Variants in SH3RF3 observed in about 807,000 individuals in gnomAD.
The protein encoded by SH3RF3 is SH3 domain containing ring finger 3.
SH3RF3 carries 29 observed loss-of-function variants against 66.3 expected under a neutral mutation model. The observed-to-expected ratio is 0.44, with a 90% CI of 0.33 to 0.60. The LOEUF is 0.60. Ranked by LOEUF, SH3RF3 falls within the 20% of genes least tolerant of loss-of-function variation. The pLI is 0.04. For missense variants in SH3RF3, 1,194 were observed against 1,190.9 expected (o/e 1.00, Z -0.04); for synonymous variants, 583 against 532.0 (o/e 1.10, Z -1.32).
chr2:109,131,660 G>C (rs1210105968), intron 1 of SH3RF3, among the ~76,000 whole-genome samples: 2 of 152,164 alleles, frequency 1.3e-5, no homozygotes, highest in Non-Finnish European at 2.9e-5. Context: ...GCCACTCCGG[G>C]AATTCTGTGG....
intron 1 of SH3RF3, among the ~76,000 whole-genome samples, chr2:109,161,905 T>A (rs1677499297): frequency 6.6e-6 from 1 of 151,636 alleles, no homozygotes; most frequent in African/African-American, 2.4e-5. Flanking sequence ...AACTATAGCC[T>A]ATCACCTATC....
At chr2:109,201,785 A>G (rs1276750356) in intron 1 of SH3RF3, among the ~76,000 whole-genome samples, 1 of 152,166 alleles carries the variant, frequency 6.6e-6, no homozygotes, top group Non-Finnish European at 1.5e-5. Flanking sequence ...AGCTTTGGGA[A>G]GTGGGTATAA....
intron 8 of SH3RF3, among the ~76,000 whole-genome samples, chr2:109,484,289 A>G (rs1678912725): frequency 6.6e-6 from 1 of 151,376 alleles, no homozygotes; most frequent in East Asian, 1.9e-4. Context: ...CTGGTCTCGA[A>G]CTCCTGACCT....
At chr2:109,462,729 C>T (rs1006680304) in intron 8 of SH3RF3, among the ~76,000 whole-genome samples, 3 of 152,160 alleles carry the variant, frequency 2.0e-5, no homozygotes, top group South Asian at 2.1e-4. Context: ...CTGCTGAGTA[C>T]GTCTAGGCTA....
intron 1 of SH3RF3, among the ~76,000 whole-genome samples, chr2:109,272,059 CTG>C (rs1380222082): frequency 6.6e-6 from 1 of 152,212 alleles, no homozygotes; most frequent in Admixed American, 6.5e-5. Flanking sequence ...TGTCCCATCC[CTG>C]TGTCATGGCC....
intron 3 of SH3RF3, among the ~76,000 whole-genome samples, chr2:109,375,314 A>G (rs1683355418): frequency 6.6e-6 from 1 of 151,866 alleles, no homozygotes; most frequent in Non-Finnish European, 1.5e-5. Flanking sequence ...GAAGTGAGAA[A>G]CTCTCCTGCG....
intron 4 of SH3RF3, among the ~76,000 whole-genome samples, chr2:109,408,628 C>A (rs1303110680): frequency 6.6e-6 from 1 of 152,250 alleles, no homozygotes; most frequent in South Asian, 2.1e-4. Context: ...CCTCTCTGTA[C>A]AGGCAATGCC....
At chr2:109,196,454 C>A (rs1009490090) in intron 1 of SH3RF3, among the ~76,000 whole-genome samples, 1 of 152,202 alleles carries the variant, frequency 6.6e-6, no homozygotes, top group African/African-American at 2.4e-5. Context: ...CCATCCTGGG[C>A]AGCCCTGCAA....
rs1484996837 is a variant in SH3RF3 at position 109,205,267 on chromosome 2, T to TTTTTTTTTTTTTA, written c.573+75155_573+75167dup. 1.6e-3 allele frequency among the ~76,000 whole-genome samples: 248 copies of TTTTTTTTTTTTTA among 151,876 alleles called. 1 individual carries two copies. Among genetic ancestry groups the TTTTTTTTTTTTTA allele is most frequent in the Middle Eastern group, 0.014 (4 of 294 alleles). On this transcript the variant is annotated intron_variant, in intron 1 of 9. Coordinates refer to ENST00000309415, the MANE Select transcript of SH3RF3 (RefSeq NM_001099289.3). ...ATTAGAGCAACTTATGTGACTTTTT[T>TTTTTTTTTTTTTA]TTTTTTTTTTTTAAACTGAGTCTTG...
intron 1 of SH3RF3, among the ~76,000 whole-genome samples, chr2:109,181,017 C>G (rs1678060502): frequency 6.6e-6 from 1 of 152,168 alleles, no homozygotes; most frequent in African/African-American, 2.4e-5. Flanking sequence ...CCAATTTTCC[C>G]CTTCTTGACA....
chr2:109,271,372 C>T (rs1225983877), intron 1 of SH3RF3, among the ~76,000 whole-genome samples: 2 of 152,220 alleles, frequency 1.3e-5, no homozygotes, highest in African/African-American at 2.4e-5. Flanking sequence ...CAAAGAAAAT[C>T]TCAACCCAAA....
intron 5 of SH3RF3, among the ~76,000 whole-genome samples, chr2:109,422,904 A>G (rs1676920591): frequency 6.6e-6 from 1 of 152,110 alleles, no homozygotes; most frequent in South Asian, 2.1e-4. Context: ...GTCATCACCT[A>G]CAGCAATGGA....
At chr2:109,379,386 A>G (rs1683460190) in intron 3 of SH3RF3, among the ~76,000 whole-genome samples, 1 of 152,190 alleles carries the variant, frequency 6.6e-6, no homozygotes, top group South Asian at 2.1e-4. Flanking sequence ...GTTACAACCA[A>G]ACGCCAAAGC....
At chr2:109,415,543 C>T (rs954009582) in intron 4 of SH3RF3, among the ~76,000 whole-genome samples, 5 of 152,136 alleles carry the variant, frequency 3.3e-5, no homozygotes, top group South Asian at 2.1e-4. Context: ...TGCCCTCTGC[C>T]GGTGCAGGCT....
chr2:109,138,262 C>T (rs1335965725), intron 1 of SH3RF3, among the ~76,000 whole-genome samples: 3 of 152,132 alleles, frequency 2.0e-5, no homozygotes, highest in Admixed American at 6.5e-5. Flanking sequence ...CTCCTGACCT[C>T]GTGATCCGCC....
At chr2:109,279,523 C>T (rs929745232) in intron 1 of SH3RF3, among the ~76,000 whole-genome samples, 2 of 152,210 alleles carry the variant, frequency 1.3e-5, no homozygotes, top group African/African-American at 4.8e-5. Flanking sequence ...ACCGCCCCCT[C>T]CATCACCCTT....
At chr2:109,373,067 TTGAA>T (rs1207911842) in intron 3 of SH3RF3, among the ~76,000 whole-genome samples, 2 of 152,212 alleles carry the variant, frequency 1.3e-5, no homozygotes, top group Admixed American at 6.5e-5. Context: ...CACATTTAGT[TTGAA>T]TGTGCTGCCC....
intron 1 of SH3RF3, among the ~76,000 whole-genome samples, chr2:109,213,689 A>T (rs1443078641): frequency 6.6e-6 from 1 of 152,220 alleles, no homozygotes; most frequent in African/African-American, 2.4e-5. Flanking sequence ...AGATGGCTTC[A>T]TCTGTCACGT....
At chr2:109,455,342 C>T (rs1014378113) in intron 8 of SH3RF3, among the ~76,000 whole-genome samples, 2 of 152,198 alleles carry the variant, frequency 1.3e-5, no homozygotes, top group Non-Finnish European at 2.9e-5. Flanking sequence ...CAATGAATCA[C>T]TTACCAGTCC....
Sources: gnomAD v4.1 joint callset for allele counts (sites outside exome capture counted in the v4.1 genomes callset) on GRCh38, gnomAD v4.1.1 for gene constraint, MANE v1.5 for transcripts, NCBI Gene and HGNC (gene_info 2026-07-23, HGNC 2026-07-21) for gene names.